Variants in CNTN5 observed in about 807,000 individuals in gnomAD.
CNTN5 encodes the protein contactin 5, also known as contactin-5.
In CNTN5, 77 loss-of-function variants were observed where a neutral mutation model predicts 129.1. The ratio of observed to expected loss-of-function variants is 0.60; its 90% CI spans 0.50 to 0.72. CNTN5 has a LOEUF of 0.72. Among genes scored for constraint, CNTN5 ranks in the 30% least tolerant of loss-of-function variants. CNTN5 has a pLI of 0.00. For synonymous variants in CNTN5, 509 were observed against 465.6 expected (o/e 1.09, Z -1.20); for missense variants, 1,478 against 1,328.8 (o/e 1.11, Z -1.75).
At chr11:99,696,654 A>G (rs1237648200) in intron 3 of CNTN5, among the ~76,000 whole-genome samples, 1 of 151,892 alleles carries the variant, frequency 6.6e-6, no homozygotes, top group Non-Finnish European at 1.5e-5. Context: ...TTACTAAACT[A>G]ATACAGTTAG....
intron 4 of CNTN5, among the ~76,000 whole-genome samples, chr11:99,841,168 A>C (rs1024800697): frequency 6.6e-6 from 1 of 152,196 alleles, no homozygotes; most frequent in Non-Finnish European, 1.5e-5. Flanking sequence ...AAAATAAATG[A>C]TGGAGTCACT....
chr11:100,174,048 C>T lies in CNTN5; in HGVS notation c.1581-17078C>T, dbSNP rs143539610. 1.2e-3 allele frequency among the ~76,000 whole-genome samples: 181 copies of T among 152,176 alleles called. 1 individual carries two copies. The highest frequency in any genetic ancestry group is 4.3e-3 in the African/African-American group (177 of 41,544). ...GAGCTAAGCTTTACCTTTATAACAA[C>T]TGAAAGTTATCAAAAAGCTATGGGA... On this transcript the variant is annotated intron_variant, in intron 13 of 24. Coordinates refer to ENST00000524871, the MANE Select transcript of CNTN5 (RefSeq NM_014361.4).
At chr11:100,062,047 G>A (rs924557948) in intron 10 of CNTN5, among the ~76,000 whole-genome samples, 10 of 152,118 alleles carry the variant, frequency 6.6e-5, no homozygotes, top group African/African-American at 7.2e-5. Flanking sequence ...GGAAAATCTC[G>A]TTCAAAAGTT....
intron 2 of CNTN5, among the ~76,000 whole-genome samples, chr11:99,549,185 C>T (rs11220407): frequency 0.063 from 9,568 of 151,774 alleles, 355 homozygotes; most frequent in Non-Finnish European, 0.076. Context: ...TTTCTATTGA[C>T]TCTCACTTTT....
chr11:99,596,700 G>A (rs1324373444), intron 3 of CNTN5, among the ~76,000 whole-genome samples: 1 of 152,086 alleles, frequency 6.6e-6, no homozygotes, highest in East Asian at 1.9e-4. Context: ...ATTTGTGTTG[G>A]CAGATAGCCA....
At chr11:99,337,949 G>GA (rs1329897458) in intron 2 of CNTN5, among the ~76,000 whole-genome samples, 1 of 151,928 alleles carries the variant, frequency 6.6e-6, no homozygotes, top group African/African-American at 2.4e-5. Context: ...ATTAAAATTG[G>GA]AAAAATTATT....
At chr11:99,716,490 A>G (rs1056277065) in intron 3 of CNTN5, among the ~76,000 whole-genome samples, 1 of 151,940 alleles carries the variant, frequency 6.6e-6, no homozygotes, top group Middle Eastern at 3.2e-3. Context: ...GGATGTTGAC[A>G]TTAATCACCT....
At chr11:99,125,770 C>T (rs1858594618) in intron 1 of CNTN5, among the ~76,000 whole-genome samples, 2 of 152,148 alleles carry the variant, frequency 1.3e-5, no homozygotes, top group Admixed American at 6.6e-5. Context: ...ATAAAAAATA[C>T]ATTATTTTCA....
intron 21 of CNTN5, among the ~76,000 whole-genome samples, chr11:100,333,648 T>C (rs1039574541): frequency 6.6e-6 from 1 of 152,158 alleles, no homozygotes; most frequent in African/African-American, 2.4e-5. Context: ...TACAGCCAAC[T>C]GATCTTTGAC....
chr11:100,196,837 G>T (rs1948651787), intron 15 of CNTN5, among the ~76,000 whole-genome samples: 1 of 151,904 alleles, frequency 6.6e-6, no homozygotes, highest in Non-Finnish European at 1.5e-5. Flanking sequence ...TGAATAAACT[G>T]AATGTGATAA....
chr11:99,282,924 A>G (rs1003964406), intron 1 of CNTN5, among the ~76,000 whole-genome samples: 2 of 152,104 alleles, frequency 1.3e-5, no homozygotes, highest in Non-Finnish European at 2.9e-5. Context: ...GACATCCCCA[A>G]TCAAATGGAA....
intron 2 of CNTN5, among the ~76,000 whole-genome samples, chr11:99,361,856 G>T (rs1199289177): frequency 6.6e-6 from 1 of 152,016 alleles, no homozygotes; most frequent in Non-Finnish European, 1.5e-5. Context: ...TCCATTGTAT[G>T]TATATACCAC....
At chr11:100,155,317 G>T (rs1947202150) in intron 13 of CNTN5, among the ~76,000 whole-genome samples, 1 of 152,072 alleles carries the variant, frequency 6.6e-6, no homozygotes, top group Admixed American at 6.6e-5. Flanking sequence ...GTTTGTCCAA[G>T]ATCAGATGGT....
intron 13 of CNTN5, among the ~76,000 whole-genome samples, chr11:100,106,581 A>AACT (rs1428849387): frequency 1.3e-5 from 2 of 152,296 alleles, no homozygotes; most frequent in East Asian, 3.9e-4. Context: ...TTGTAAAGTG[A>AACT]ACTTACAGTT....
intron 1 of CNTN5, among the ~76,000 whole-genome samples, chr11:99,123,668 T>TA (rs895646172): frequency 5.8e-5 from 8 of 138,782 alleles, no homozygotes; most frequent in African/African-American, 2.0e-4. Flanking sequence ...TTTTTTTTTT[T>TA]TATAGTTTTA....
At chr11:99,507,741 G>A (rs567453705) in intron 2 of CNTN5, among the ~76,000 whole-genome samples, 4 of 152,118 alleles carry the variant, frequency 2.6e-5, no homozygotes, top group Admixed American at 1.3e-4. Flanking sequence ...AACTTTTCAC[G>A]TGCCATATTT....
chr11:99,933,295 T>C (rs187876658), intron 7 of CNTN5, among the ~76,000 whole-genome samples: 10 of 152,324 alleles, frequency 6.6e-5, no homozygotes, highest in Admixed American at 6.5e-4. Flanking sequence ...TCAACCCTTT[T>C]CTCTTTGTTT....
chr11:99,813,959 C>T (rs1381203115), intron 3 of CNTN5, among the ~76,000 whole-genome samples: 2 of 151,926 alleles, frequency 1.3e-5, no homozygotes, highest in Non-Finnish European at 2.9e-5. Flanking sequence ...AATACTTTTA[C>T]CATATACAGC....
In CNTN5 at chr11:99,146,912, G is replaced by C. The variant is rs111832122; in HGVS notation, c.-210+125642G>C. Among the ~76,000 whole-genome samples the C allele has an allele frequency of 1.6e-4, 24 of 152,030 alleles. 1 individual carries two copies. The highest frequency in any genetic ancestry group is 5.1e-4 in the African/African-American group (21 of 41,478). On this transcript the variant is annotated intron_variant, in intron 1 of 24. Transcript: ENST00000524871. ...AATTTTTGTACTTTTTGTAGGGATGGGTTTTCACCATGTTTCCCATGCTGG... is the reference window on the plus strand; with the variant it reads ...AATTTTTGTACTTTTTGTAGGGATGCGTTTTCACCATGTTTCCCATGCTGG...
Sources: allele counts gnomAD v4.1 joint callset (sites outside exome capture counted in the v4.1 genomes callset), GRCh38; gene constraint gnomAD v4.1.1; transcripts MANE v1.5; gene names NCBI Gene and HGNC (gene_info 2026-07-23, HGNC 2026-07-21).